G3BP2: variants seen among roughly 807,000 people sequenced by gnomAD.
G3BP2 encodes the protein G3BP stress granule assembly factor 2, also known as ras GTPase-activating protein-binding protein 2.
A neutral mutation model predicts 56.7 loss-of-function variants in G3BP2; 11 were observed. The observed-to-expected ratio is 0.19, with a 90% confidence interval of 0.12 to 0.32. The LOEUF is 0.32. G3BP2 is among the 10% of genes least tolerant of loss of function. The pLI is 1.00. For missense variants in G3BP2, 340 were observed against 610.9 expected, an observed-to-expected ratio of 0.56 and a Z score of 4.67; for synonymous variants, 165 against 191.6, an observed-to-expected ratio of 0.86 and a Z score of 1.15.
chr4:75,712,308 T>A (rs918582057), intron 3 of G3BP2, among the ~76,000 whole-genome samples: 2 of 152,180 alleles, frequency 1.3e-5, no homozygotes, highest in Non-Finnish European at 2.9e-5. Flanking sequence ...AGTAATTTCA[T>A]ATCTTGATTT....
intron 3 of G3BP2, among the ~76,000 whole-genome samples, chr4:75,709,624 A>AAAGG (rs1045406627): frequency 3.3e-5 from 5 of 151,992 alleles, no homozygotes; most frequent in Admixed American, 1.3e-4. Flanking sequence ...AAAGAAAGAA[A>AAAGG]AAGGAAGGAA....
chr4:75,670,532 G>C (rs952793286), intron 1 of G3BP2: 1 of 152,178 alleles, frequency 6.6e-6, no homozygotes, highest in East Asian at 1.9e-4. Context: ...CTCAGAAGTT[G>C]AGGGAGGCTA....
chr4:75,712,214 A>G (rs1342132900), intron 3 of G3BP2, among the ~76,000 whole-genome samples: 1 of 152,206 alleles, frequency 6.6e-6, no homozygotes, highest in Non-Finnish European at 1.5e-5. Flanking sequence ...ATATACATAT[A>G]TATCTACTCT....
chr4:75,646,756 C>A (rs1480492848), intron 10 of G3BP2, among the ~76,000 whole-genome samples: 2 of 152,076 alleles, frequency 1.3e-5, no homozygotes, highest in African/African-American at 4.8e-5. Context: ...GACCCATTTG[C>A]CAAATGAATC....
At position 75,673,268 on chromosome 4, in the gene G3BP2, G is replaced by C; in HGVS notation, c.-85C>G. 1 of 1,225,180 alleles carries C rather than the reference G, an allele frequency of 8.2e-7. No individual in the cohort carries two copies. Among genetic ancestry groups the C allele is most frequent in the Non-Finnish European group, 1.0e-6 (1 of 984,142 alleles). 75.9% of individuals were successfully genotyped at this position (1,225,180 alleles called of 1,614,324 possible). ...AGGTCAGAAGAGTCGCTGAGGACCG[G>C]GTGCGGCGGGTTCTTATTGCTCGCC... On this transcript the variant is annotated 5_prime_UTR_variant, in exon 1 of 12. Transcript: ENST00000359707.
intron 3 of G3BP2, among the ~76,000 whole-genome samples, chr4:75,685,151 T>G (rs1718531031): frequency 6.6e-6 from 1 of 151,800 alleles, no homozygotes; most frequent in South Asian, 2.1e-4. Flanking sequence ...TCTATACATA[T>G]TTTATTTTGA....
chr4:75,677,362 G>A (rs938063826), upstream of G3BP2, among the ~76,000 whole-genome samples: 1 of 152,022 alleles, frequency 6.6e-6, no homozygotes, highest in Admixed American at 6.6e-5. Flanking sequence ...CACGAGGTCA[G>A]GAGTTCGAGA....
intron 2 of G3BP2, among the ~76,000 whole-genome samples, chr4:75,721,496 GATCCTCCC>G (rs1411595003): frequency 1.3e-5 from 2 of 151,962 alleles, no homozygotes; most frequent in African/African-American, 4.8e-5. Context: ...GAGCTTAAAT[GATCCTCCC>G]ACCTTGGCCT....
At chr4:75,680,901 G>A (rs558575086) in intron 3 of G3BP2, among the ~76,000 whole-genome samples, 19 of 151,634 alleles carry the variant, frequency 1.3e-4, no homozygotes, top group African/African-American at 4.4e-4. Context: ...CCAGGAGGCA[G>A]AGGTTGCAGT....
At chr4:75,700,180 A>C (rs573673984) in intron 3 of G3BP2, among the ~76,000 whole-genome samples, 2 of 151,976 alleles carry the variant, frequency 1.3e-5, no homozygotes, top group African/African-American at 4.8e-5. Flanking sequence ...CAGACTCCCA[A>C]GTAGCTGGGA....
intron 6 of G3BP2, 31 bp from the exon 7 acceptor site, chr4:75,655,277 T>C (rs1732005430): frequency 4.0e-6 from 6 of 1,510,712 alleles, no homozygotes; most frequent in South Asian, 1.2e-5. Flanking sequence ...CACTTTTTAG[T>C]AGGAGTTCAA....
Position 75,697,273 on chromosome 4 carries a change from C to CAAAAAAAAAAAAAAAAAAAAAAAAAAAA in G3BP2, c.-25+23576_-25+23603dup, listed in dbSNP as rs869037819. Among the ~76,000 whole-genome samples the CAAAAAAAAAAAAAAAAAAAAAAAAAAAA allele has an allele frequency of 1.4e-4, 4 of 28,840 alleles. 1 individual carries two copies. Among genetic ancestry groups the CAAAAAAAAAAAAAAAAAAAAAAAAAAAA allele is most frequent in the African/African-American group, 4.1e-4 (3 of 7,282 alleles). The allele number at this position is 28,840 out of a possible 152,430, so 18.9% of individuals were successfully genotyped here. ...TGGCTGACAGAGCGAGACTCTGTCTCAAAAAAAAAAAAAAAAAAAAAAAAA... is the reference window on the plus strand; with the variant it reads ...TGGCTGACAGAGCGAGACTCTGTCTCAAAAAAAAAAAAAAAAAAAAAAAAAAAAAAAAAAAAAAAAAAAAAAAAAAAAA... On this transcript the variant is annotated intron_variant, in intron 3 of 3. Transcript: ENST00000499709.
At chr4:75,666,731 T>C (rs1733068096) in intron 1 of G3BP2, among the ~76,000 whole-genome samples, 1 of 152,226 alleles carries the variant, frequency 6.6e-6, no homozygotes, top group African/African-American at 2.4e-5. Flanking sequence ...AGAATAAAAG[T>C]GATTACAAGA....
At chr4:75,655,595 G>A (rs1017992848) in intron 6 of G3BP2, among the ~76,000 whole-genome samples, 173 bp downstream of exon 6, 1 of 152,140 alleles carries the variant, frequency 6.6e-6, no homozygotes, top group African/African-American at 2.4e-5. Flanking sequence ...TTCAATTTTT[G>A]TATTAAATAA....
chr4:75,648,439 C>T (rs192185583), intron 9 of G3BP2, among the ~76,000 whole-genome samples, 200 bp downstream of exon 9: 5 of 151,946 alleles, frequency 3.3e-5, no homozygotes, highest in African/African-American at 9.6e-5. Context: ...AATATGTCAC[C>T]ATGGCATGTC....
intron 2 of G3BP2, 62 bp downstream of exon 2, chr4:75,661,869 T>C (rs1732596712): frequency 2.5e-6 from 2 of 810,220 alleles, no homozygotes; most frequent in Non-Finnish European, 4.3e-6. Context: ...ATGCAAAATA[T>C]ATATAGTCAT....
rs1170240017 is a variant in G3BP2, at chr4:75,644,210, A to C, written c.*1220T>G. On this transcript the variant is annotated 3_prime_UTR_variant, in exon 12 of 12. Coordinates refer to ENST00000359707, the MANE Select transcript of G3BP2 (RefSeq NM_203505.3). The stretch of plus-strand genomic sequence containing the variant: ...GTACGTCAAGTTGACTGACTTTTCC[A>C]AGCCCTGAAGTGATATGTTTCAACG... 6.6e-6 allele frequency: 1 copy of C among 152,550 alleles called. No individual in the cohort carries two copies. Among genetic ancestry groups the C allele is most frequent in the Non-Finnish European group, 1.5e-5 (1 of 68,034 alleles). The allele number at this position is 152,550 out of a possible 1,614,324, so 9.4% of individuals were successfully genotyped here.
At position 75,707,229 on chromosome 4, in the gene G3BP2, T is replaced by C. The variant is rs985518415; in HGVS notation, c.-25+13648A>G. On this transcript the variant is annotated intron_variant, in intron 3 of 3. Transcript: ENST00000499709. ...GGAAAATAGTATAATAAAAGACAGG[T>C]ATGTACGGGACATGTGACCCTCCAG... 2.7e-5 allele frequency among the ~76,000 whole-genome samples: 4 copies of C among 146,984 alleles called. No homozygotes were observed. In the East Asian group the frequency reaches 6.0e-4, roughly 22 times the overall value.
intron 2 of G3BP2, among the ~76,000 whole-genome samples, chr4:75,660,136 T>C (rs1375273926): frequency 6.6e-6 from 1 of 152,190 alleles, no homozygotes; most frequent in African/African-American, 2.4e-5. Flanking sequence ...AGTTACTGTT[T>C]AAACATGATG....
Sources: allele counts gnomAD v4.1 joint callset (sites outside exome capture counted in the v4.1 genomes callset), GRCh38; gene constraint gnomAD v4.1.1; transcripts MANE v1.5; gene names NCBI Gene and HGNC (gene_info 2026-07-23, HGNC 2026-07-21).